Variants in SNTG1 observed in about 807,000 individuals in gnomAD.
SNTG1 encodes the protein gamma-1-syntrophin.
Under a neutral mutation model 74.7 loss-of-function variants are expected in SNTG1, and 39 were observed. The ratio of observed to expected loss-of-function variants is 0.52; its 90% CI spans 0.40 to 0.68. SNTG1 has a LOEUF of 0.68. Among genes scored for constraint, SNTG1 ranks in the 30% least tolerant of loss-of-function variants. The pLI, the probability that SNTG1 is intolerant of heterozygous loss-of-function variation, is 0.00. For missense variants in SNTG1, 685 were observed against 609.5 expected (o/e 1.12, Z -1.30); for synonymous variants, 254 against 217.1 (o/e 1.17, Z -1.49).
chr8:50,576,795 G>T (rs2094579190), intron 12 of SNTG1, among the ~76,000 whole-genome samples: 1 of 151,526 alleles, frequency 6.6e-6, no homozygotes, highest in Non-Finnish European at 1.5e-5. Flanking sequence ...AATTTATTTT[G>T]CATGTTGAAT....
chr8:50,457,018 C>T (rs987040652), intron 8 of SNTG1: 1 of 152,118 alleles, frequency 6.6e-6, no homozygotes, highest in South Asian at 2.1e-4. Flanking sequence ...TTCACAATAA[C>T]CAGCTGATCA....
chr8:50,279,202 G>C (rs2088293996), intron 2 of SNTG1, among the ~76,000 whole-genome samples: 1 of 152,044 alleles, frequency 6.6e-6, no homozygotes, highest in South Asian at 2.1e-4. Flanking sequence ...TATGAAGCAT[G>C]GGTATTTGAC....
chr8:50,273,985 T>G (rs2130325897), intron 2 of SNTG1, among the ~76,000 whole-genome samples: 1 of 152,288 alleles, frequency 6.6e-6, no homozygotes, highest in Admixed American at 6.5e-5. Flanking sequence ...CTTAATTAAA[T>G]ATTTATCTAA....
chr8:50,581,816 C>T (rs1264400600), intron 12 of SNTG1, among the ~76,000 whole-genome samples: 1 of 152,156 alleles, frequency 6.6e-6, no homozygotes, highest in Non-Finnish European at 1.5e-5. Context: ...CCTTACTCGG[C>T]AAGTGTTCTT....
intron 2 of SNTG1, among the ~76,000 whole-genome samples, chr8:50,259,951 G>A (rs935021485): frequency 2.0e-5 from 3 of 152,124 alleles, no homozygotes; most frequent in Non-Finnish European, 4.4e-5. Flanking sequence ...TAGTTCCAAG[G>A]AGTACCTGTC....
intron 2 of SNTG1, among the ~76,000 whole-genome samples, chr8:50,389,232 A>G (rs1024094124): frequency 3.9e-5 from 6 of 152,224 alleles, no homozygotes; most frequent in South Asian, 2.1e-4. Flanking sequence ...ACTATGCTGT[A>G]GTGGATACAG....
intron 1 of SNTG1, among the ~76,000 whole-genome samples, chr8:49,918,607 G>GT (rs59301381): frequency 0.093 from 14,191 of 152,182 alleles, 924 homozygotes; most frequent in South Asian, 0.2. Flanking sequence ...ACAAATTGGA[G>GT]GCAGATGTCT....
chr8:49,916,679 C>T (rs1474270747), intron 1 of SNTG1, among the ~76,000 whole-genome samples: 1 of 151,760 alleles, frequency 6.6e-6, no homozygotes, highest in African/African-American at 2.4e-5. Context: ...AGAAATGGTG[C>T]CAAAATTTGA....
At chr8:50,516,103 G>A (rs2094131776) in intron 9 of SNTG1, among the ~76,000 whole-genome samples, 2 of 152,112 alleles carry the variant, frequency 1.3e-5, no homozygotes, top group Non-Finnish European at 2.9e-5. Flanking sequence ...GAAAGGAACA[G>A]GCAACAATTT....
At chr8:50,239,018 G>A (rs1481055778) in intron 2 of SNTG1, among the ~76,000 whole-genome samples, 1 of 152,250 alleles carries the variant, frequency 6.6e-6, no homozygotes, top group African/African-American at 2.4e-5. Flanking sequence ...TTGTGAGAAA[G>A]GGGAACGCTA....
intron 16 of SNTG1, among the ~76,000 whole-genome samples, chr8:50,707,331 T>C (rs2095446617): frequency 6.6e-6 from 1 of 152,138 alleles, no homozygotes; most frequent in African/African-American, 2.4e-5. Flanking sequence ...CATTCCTTAA[T>C]GTTGATAATA....
chr8:50,513,743 C>T (rs1160463649), intron 9 of SNTG1, among the ~76,000 whole-genome samples: 2 of 152,180 alleles, frequency 1.3e-5, no homozygotes, highest in African/African-American at 2.4e-5. Flanking sequence ...CCTGGTGTGC[C>T]GTTTGCTAAG....
chr8:50,440,969 A>C (rs989918999), intron 5 of SNTG1, among the ~76,000 whole-genome samples: 5 of 152,190 alleles, frequency 3.3e-5, no homozygotes, highest in African/African-American at 1.2e-4. Flanking sequence ...AAATGCTCTA[A>C]CATGTGCTGC....
rs147983465 is a variant in SNTG1, at chr8:50,554,409, G to A, written c.810+1230G>A. On this transcript the variant is annotated intron_variant, in intron 12 of 18. Coordinates refer to ENST00000642720, the MANE Select transcript of SNTG1 (RefSeq NM_018967.5). ...TATAATCTTCAAAACTCTGTGTCAC[G>A]CTGCCTTTTGAATTTTTGGTTGATA... Among the ~76,000 whole-genome samples the A allele has an allele frequency of 1.7e-3, 252 of 151,788 alleles. 1 individual carries two copies. The highest frequency in any genetic ancestry group is 0.01 in the Middle Eastern group (3 of 290).
intron 4 of SNTG1, among the ~76,000 whole-genome samples, chr8:50,409,520 A>C (rs1347792562): frequency 6.6e-6 from 1 of 152,210 alleles, no homozygotes; most frequent in Non-Finnish European, 1.5e-5. Context: ...TAGTAAAGTG[A>C]CTGTTGATCA....
intron 1 of SNTG1, among the ~76,000 whole-genome samples, chr8:50,051,511 G>A (rs1339334042): frequency 6.6e-6 from 1 of 152,074 alleles, no homozygotes; most frequent in Non-Finnish European, 1.5e-5. Flanking sequence ...CAAATGAGGT[G>A]GCTTAAAATA....
At chr8:50,461,156 G>GGTGTGTGTGTGTGTGTGTGT (rs71233496) in intron 8 of SNTG1, among the ~76,000 whole-genome samples, 1 of 124,088 alleles carries the variant, frequency 8.1e-6, no homozygotes, top group African/African-American at 3.0e-5. Context: ...AGATTTTTCT[G>GGTGTGTGTGTGTGTGTGTGT]GTGTGTGTGT....
chr8:49,928,131 T>G (rs928419815), intron 1 of SNTG1, among the ~76,000 whole-genome samples: 1 of 134,540 alleles, frequency 7.4e-6, no homozygotes, highest in Admixed American at 8.0e-5. Flanking sequence ...TCTGTGAAAC[T>G]CTGTCTCAAA....
chr8:50,151,001 G>A (rs1427812791), intron 1 of SNTG1, among the ~76,000 whole-genome samples: 2 of 152,164 alleles, frequency 1.3e-5, no homozygotes, highest in Non-Finnish European at 2.9e-5. Flanking sequence ...GCTCCTCCTT[G>A]TTATCTCTGG....
Sources: allele counts gnomAD v4.1 joint callset (sites outside exome capture counted in the v4.1 genomes callset), GRCh38; gene constraint gnomAD v4.1.1; transcripts MANE v1.5; gene names NCBI Gene and HGNC (gene_info 2026-07-23, HGNC 2026-07-21).